The following CSMD1 variants were observed in gnomAD, a reference collection of about 807,000 sequenced individuals.
CSMD1 encodes CUB and Sushi multiple domains 1.
A neutral mutation model predicts 417.5 loss-of-function variants in CSMD1; 213 were observed. That is an observed-to-expected ratio of 0.51 (90% CI 0.46 to 0.57). The LOEUF (loss-of-function observed/expected upper bound fraction) is 0.57. Among genes scored for constraint, CSMD1 ranks in the 20% least tolerant of loss-of-function variants. The pLI is 0.00. For synonymous variants in CSMD1, 2,862 were observed against 1,736.8 expected (o/e 1.65, Z -16.11); for missense variants, 6,923 against 4,529.7 (o/e 1.53, Z -15.17).
At chr8:3,578,269 T>C (rs1415625227) in intron 9 of CSMD1, among the ~76,000 whole-genome samples, 1 of 152,018 alleles carries the variant, frequency 6.6e-6, no homozygotes, top group African/African-American at 2.4e-5. Flanking sequence ...AAAGAAGAGA[T>C]GACCCAGGGC....
At chr8:3,906,550 G>T (rs1808124238) in intron 5 of CSMD1, among the ~76,000 whole-genome samples, 1 of 151,496 alleles carries the variant, frequency 6.6e-6, no homozygotes. Context: ...AAGGTTTTAG[G>T]CAGAAATATA....
chr8:4,232,227 G>C lies in CSMD1; in HGVS notation c.415+187726C>G, dbSNP rs115983953. 2.6e-5 allele frequency among the ~76,000 whole-genome samples: 4 copies of C among 151,998 alleles called. No homozygotes were observed. The East Asian group carries it at 5.8e-4, about 22-fold the overall frequency. ...TTATTTATTTTTAAGACAGAGTCTC[G>C]CTCTGTCAGTCACCAGGCTGTAGTG... On this transcript the variant is annotated intron_variant, in intron 3 of 69. Transcript: ENST00000635120.
chr8:4,028,650 G>A (rs183445473), intron 4 of CSMD1, among the ~76,000 whole-genome samples: 1 of 152,176 alleles, frequency 6.6e-6, no homozygotes, highest in Non-Finnish European at 1.5e-5. Flanking sequence ...AGCCAGACTT[G>A]TGTTTGGGTC....
intron 10 of CSMD1, among the ~76,000 whole-genome samples, chr8:3,523,109 T>A (rs895578341): frequency 4.6e-5 from 7 of 151,894 alleles, no homozygotes; most frequent in African/African-American, 1.7e-4. Flanking sequence ...TATAGTTACA[T>A]CTGCACATTT....
rs565316983 is a variant in CSMD1 at position 3,670,577 on chromosome 8, G to A, written c.1009+37837C>T. On this transcript the variant is annotated intron_variant, in intron 7 of 69. Transcript: ENST00000635120. Reference sequence around the variant, plus strand: ...TATATATATGCGATATATATATATGGGATATATATGGGGATATATATATTG... The same window carrying A: ...TATATATATGCGATATATATATATGAGATATATATGGGGATATATATATTG... Among the ~76,000 whole-genome samples the A allele has an allele frequency of 2.9e-5, 4 of 138,916 alleles. No individual in the cohort carries two copies. In the South Asian group the frequency reaches 8.9e-4, roughly 31 times the overall value. 91.1% of individuals were successfully genotyped at this position (138,916 alleles called of 152,430 possible). A position where few individuals can be genotyped will look rare whatever the true frequency, so the allele number is the denominator to read the frequency against.
At chr8:3,041,043 C>A (rs1289820697) in intron 50 of CSMD1, among the ~76,000 whole-genome samples, 1 of 151,992 alleles carries the variant, frequency 6.6e-6, no homozygotes, top group Admixed American at 6.6e-5. Flanking sequence ...AATAAATTAT[C>A]AATATTTCTG....
chr8:3,853,558 A>C (rs1481865851), intron 5 of CSMD1, among the ~76,000 whole-genome samples: 1 of 152,140 alleles, frequency 6.6e-6, no homozygotes, highest in African/African-American at 2.4e-5. Context: ...TTTATGTAAG[A>C]AAGTGATTAT....
chr8:3,602,398 A>G (rs1359308047), intron 8 of CSMD1, among the ~76,000 whole-genome samples: 1 of 152,320 alleles, frequency 6.6e-6, no homozygotes, highest in East Asian at 1.9e-4. Context: ...GAGATTCTGA[A>G]GAGATTTTAA....
intron 5 of CSMD1, among the ~76,000 whole-genome samples, chr8:3,772,754 C>T (rs1239904526): frequency 6.6e-6 from 1 of 150,446 alleles, no homozygotes; most frequent in African/African-American, 2.4e-5. Flanking sequence ...CTTCATTCAG[C>T]AAATATTGAA....
intron 7 of CSMD1, among the ~76,000 whole-genome samples, chr8:3,698,317 C>T (rs892537959): frequency 1.2e-4 from 18 of 152,186 alleles, no homozygotes; most frequent in African/African-American, 4.3e-4. Context: ...GGAGATGGGT[C>T]TTTGCTAAGA....
intron 3 of CSMD1, among the ~76,000 whole-genome samples, chr8:4,118,659 T>G (rs1259294671): frequency 2.0e-5 from 3 of 152,208 alleles, no homozygotes; most frequent in African/African-American, 4.8e-5. Flanking sequence ...GTAAATTAGT[T>G]CAACCATTGT....
intron 7 of CSMD1, among the ~76,000 whole-genome samples, chr8:3,654,332 A>G (rs577606660): frequency 1.3e-5 from 2 of 152,196 alleles, no homozygotes; most frequent in Non-Finnish European, 2.9e-5. Context: ...TTCATACTAG[A>G]GTTTGAAAAG....
At chr8:4,003,893 T>A (rs1022537531) in intron 4 of CSMD1, among the ~76,000 whole-genome samples, 1 of 152,152 alleles carries the variant, frequency 6.6e-6, no homozygotes, top group Non-Finnish European at 1.5e-5. Context: ...TTTTTGTTCC[T>A]CTTTCACAGC....
intron 26 of CSMD1, among the ~76,000 whole-genome samples, chr8:3,268,090 G>T (rs1238613874): frequency 6.6e-6 from 1 of 152,006 alleles, no homozygotes; most frequent in African/African-American, 2.4e-5. Flanking sequence ...TGCCCATGGG[G>T]TACTCAGGGC....
At chr8:4,236,024 T>TTGC in intron 3 of CSMD1, among the ~76,000 whole-genome samples, 2 of 18,000 alleles carry the variant, frequency 1.1e-4, no homozygotes, top group South Asian at 7.9e-3. Flanking sequence ...TTAATGGATA[T>TTGC]TGTTTTTTTT....
At chr8:4,217,424 A>G (rs776966033) in intron 3 of CSMD1, among the ~76,000 whole-genome samples, 1 of 152,186 alleles carries the variant, frequency 6.6e-6, no homozygotes, top group Non-Finnish European at 1.5e-5. Context: ...ACATTTTATA[A>G]TGGTGATATA....
At chr8:4,624,457 G>C (rs1801979828) in intron 2 of CSMD1, among the ~76,000 whole-genome samples, 2 of 152,124 alleles carry the variant, frequency 1.3e-5, no homozygotes. Context: ...CACTGACAAG[G>C]CTGCAGTTGT....
rs1357134164 is a variant in CSMD1, at chr8:3,199,792, C to G, written c.5116G>C (p.Ala1706Pro). The G allele has an allele frequency of 6.3e-7, 1 of 1,575,456 alleles. No homozygotes were observed. The highest frequency in any genetic ancestry group is 8.6e-7 in the Non-Finnish European group (1 of 1,159,750). Reference protein sequence around the residue: ...GSHSGETLPLATSNQILLRFS... With the variant: ...GSHSGETLPLPTSNQILLRFS... The stretch of plus-strand genomic sequence containing the variant: ...CGGAGCAGAATTTGATTTGACGTAG[C>G]CAAGGGCAATGTTTCCCCTAGAAAC... Residue 1706 changes from alanine to proline, a missense_variant, in exon 33 of 70, where the codon GCT (alanine) becomes CCT (proline). Ala to Pro is a conservative substitution (Grantham distance 27). Transcript: ENST00000635120.
chr8:4,824,961 A>C (rs1799739017), intron 1 of CSMD1, among the ~76,000 whole-genome samples: 1 of 152,152 alleles, frequency 6.6e-6, no homozygotes, highest in Admixed American at 6.6e-5. Context: ...AAGTAGAAGC[A>C]ATCAAAGAAT....
Sources: gnomAD v4.1 joint callset for allele counts (sites outside exome capture counted in the v4.1 genomes callset) on GRCh38, gnomAD v4.1.1 for gene constraint, MANE v1.5 for transcripts, NCBI Gene and HGNC (gene_info 2026-07-23, HGNC 2026-07-21) for gene names.